The following CFAP61 variants were observed in gnomAD, a reference collection of about 807,000 sequenced individuals.
CFAP61 encodes cilia and flagella associated protein 61, also known as cilia- and flagella-associated protein 61.
CFAP61 carries 107 observed loss-of-function variants against 135.6 expected under a neutral mutation model. That is an observed-to-expected ratio of 0.79 (90% CI 0.67 to 0.93). CFAP61 has a LOEUF of 0.93. Among genes scored for constraint, CFAP61 ranks in the 40% least tolerant of loss-of-function variants. The pLI is 0.00. For synonymous variants in CFAP61, 575 were observed against 578.5 expected, an observed-to-expected ratio of 0.99 and a Z score of 0.09; for missense variants, 1,507 against 1,556.2, an observed-to-expected ratio of 0.97 and a Z score of 0.53.
chr20:20,206,800 A>G (rs2056876415), intron 17 of CFAP61, among the ~76,000 whole-genome samples: 1 of 152,022 alleles, frequency 6.6e-6, no homozygotes, highest in Non-Finnish European at 1.5e-5. Flanking sequence ...CTATACCTAC[A>G]AGTGGGACTG....
chr20:20,213,003 G>C (rs567706648), intron 17 of CFAP61, among the ~76,000 whole-genome samples: 2 of 152,330 alleles, frequency 1.3e-5, no homozygotes, highest in South Asian at 4.1e-4. Context: ...GAGCCCGGGA[G>C]GGGAGGGTGG....
intron 7 of CFAP61, among the ~76,000 whole-genome samples, chr20:20,097,627 G>A (rs1036577811): frequency 3.3e-5 from 5 of 152,254 alleles, no homozygotes; most frequent in African/African-American, 9.6e-5. Flanking sequence ...TCATCTTCTC[G>A]CCTATGTATT....
intron 7 of CFAP61, among the ~76,000 whole-genome samples, chr20:20,095,285 A>G (rs1230695656): frequency 1.3e-5 from 2 of 152,210 alleles, no homozygotes; most frequent in African/African-American, 2.4e-5. Context: ...CAAATGCTAC[A>G]GATCTGGGCT....
rs199723569 is a variant in CFAP61 at position 20,350,637 on chromosome 20, AAAAC to A, written c.3513+8732_3513+8735del. On this transcript the variant is annotated intron_variant, in intron 26 of 26. Transcript: ENST00000245957. ...GAACAAGACTCCATCTCAAAAAAAC[AAAAC>A]AAACAAACAAACAAAGAATTGAATG... 7.9e-3 allele frequency among the ~76,000 whole-genome samples: 1,205 copies of A among 152,330 alleles called. 15 individuals carry two copies. The highest frequency in any genetic ancestry group is 0.026 in the African/African-American group (1,090 of 41,570).
At chr20:20,061,035 T>G (rs937696221) in intron 2 of CFAP61, among the ~76,000 whole-genome samples, 1 of 152,190 alleles carries the variant, frequency 6.6e-6, no homozygotes, top group Non-Finnish European at 1.5e-5. Flanking sequence ...CCATGAGAGA[T>G]AATAATTGCT....
At chr20:20,291,534 G>A (rs1394689405) in intron 24 of CFAP61, among the ~76,000 whole-genome samples, 3 of 152,140 alleles carry the variant, frequency 2.0e-5, no homozygotes, top group East Asian at 3.9e-4. Context: ...CTATTGTCTG[G>A]TTGTATCGGT....
intron 9 of CFAP61, 100 bp downstream of exon 9, chr20:20,143,048 G>A: frequency 2.9e-6 from 2 of 694,754 alleles, no homozygotes; most frequent in South Asian, 3.8e-5. Flanking sequence ...CTACGGAGAA[G>A]TTCTAATGCC....
chr20:20,124,800 ATTC>A (rs2049947423), intron 8 of CFAP61, among the ~76,000 whole-genome samples: 1 of 151,762 alleles, frequency 6.6e-6, no homozygotes, highest in African/African-American at 2.4e-5. Flanking sequence ...ATTGGTACCA[ATTC>A]TTCTTTGAAC....
At chr20:20,086,160 T>G (rs1403105748) in intron 6 of CFAP61, among the ~76,000 whole-genome samples, 10 of 151,766 alleles carry the variant, frequency 6.6e-5, no homozygotes, top group Non-Finnish European at 1.5e-4. Flanking sequence ...TTTTTTTTTT[T>G]CTTTCAAATT....
At chr20:20,113,123 A>C (rs1040581445) in intron 8 of CFAP61, among the ~76,000 whole-genome samples, 1 of 152,148 alleles carries the variant, frequency 6.6e-6, no homozygotes, top group Non-Finnish European at 1.5e-5. Context: ...TTTCAAAGAG[A>C]ATGTGCATTC....
chr20:20,338,789 T>C (rs2122356724), intron 25 of CFAP61, among the ~76,000 whole-genome samples: 1 of 152,282 alleles, frequency 6.6e-6, no homozygotes, highest in East Asian at 1.9e-4. Context: ...AGTTCATGAG[T>C]CTGTCGATGT....
At chr20:20,146,111 G>A (rs931035502) in intron 9 of CFAP61, among the ~76,000 whole-genome samples, 7 of 152,178 alleles carry the variant, frequency 4.6e-5, no homozygotes, top group African/African-American at 1.4e-4. Context: ...GGTGGCTGAG[G>A]GAAGTGCTCT....
intron 2 of CFAP61, among the ~76,000 whole-genome samples, chr20:20,062,714 A>G (rs780490888): frequency 8.5e-5 from 13 of 152,232 alleles, no homozygotes; most frequent in Non-Finnish European, 1.5e-4. Context: ...TTATAGATCC[A>G]CAATCCTTTA....
intron 6 of CFAP61, chr20:20,085,112 T>C (rs994684374): frequency 1.8e-4 from 174 of 985,368 alleles, no homozygotes; most frequent in Non-Finnish European, 1.9e-4. Flanking sequence ...TGCTGATCTA[T>C]AAACTCCGCA....
intron 2 of CFAP61, among the ~76,000 whole-genome samples, chr20:20,065,033 A>G (rs1255806327): frequency 6.6e-6 from 1 of 152,218 alleles, no homozygotes; most frequent in Non-Finnish European, 1.5e-5. Context: ...CGCATACTAT[A>G]TGAAAATTTG....
intron 17 of CFAP61, chr20:20,201,116 C>T (rs1364854389): frequency 6.7e-6 from 2 of 299,552 alleles, no homozygotes; most frequent in East Asian, 3.4e-4. Context: ...AAGTGAATTC[C>T]TGGGAAAACA....
Position 20,341,889 on chromosome 20 carries a change from A to G in CFAP61, c.3481A>G (p.Lys1161Glu), listed in dbSNP as rs1219560644. Residue 1161 changes from lysine (K) to glutamate (E), a missense_variant, in exon 26 of 27, where the codon AAA becomes GAA. Lys to Glu is a moderately conservative substitution (Grantham distance 56). Coordinates refer to ENST00000245957, the MANE Select transcript of CFAP61 (RefSeq NM_015585.4). Reference sequence around the variant, plus strand: ...CCACGATCGTTTTATTGATCTCAGGAAAGAGTTACGCCAAATCTTAGCCTC... The same window carrying G: ...CCACGATCGTTTTATTGATCTCAGGGAAGAGTTACGCCAAATCTTAGCCTC... ...LFHDRFIDLR[K>E]ELRQILASKE... 6.2e-7 allele frequency: 1 copy of G among 1,613,358 alleles called. No individual in the cohort carries two copies. The highest frequency in any genetic ancestry group is 8.5e-7 in the Non-Finnish European group (1 of 1,179,912).
intron 25 of CFAP61, among the ~76,000 whole-genome samples, chr20:20,324,211 T>A (rs2057662024): frequency 6.6e-6 from 1 of 152,156 alleles, no homozygotes; most frequent in South Asian, 2.1e-4. Flanking sequence ...GAGCTTAAGA[T>A]TAAGTAGGAA....
intron 18 of CFAP61, among the ~76,000 whole-genome samples, chr20:20,238,152 G>A (rs574912194): frequency 9.2e-5 from 14 of 152,298 alleles, no homozygotes; most frequent in African/African-American, 3.4e-4. Flanking sequence ...GGAAAAACTG[G>A]TAGATTCTCT....
Sources: gnomAD v4.1 joint callset for allele counts (sites outside exome capture counted in the v4.1 genomes callset) on GRCh38, gnomAD v4.1.1 for gene constraint, MANE v1.5 for transcripts, NCBI Gene and HGNC (gene_info 2026-07-23, HGNC 2026-07-21) for gene names.